Variants in LRTM1 observed in about 807,000 individuals in gnomAD.
LRTM1 encodes the protein leucine-rich repeat and transmembrane domain-containing protein 1.
A neutral mutation model predicts 32.4 loss-of-function variants in LRTM1; 38 were observed. The ratio of observed to expected loss-of-function variants is 1.17; its 90% CI spans 0.91 to 1.54. The LOEUF (loss-of-function observed/expected upper bound fraction) is 1.54, where lower values mean the gene tolerates loss of function less well. Among genes scored for constraint, LRTM1 ranks in the 40% most tolerant of loss-of-function variants. The pLI, the probability that LRTM1 is intolerant of heterozygous loss-of-function variation, is 0.00. For missense variants in LRTM1, 466 were observed against 415.4 expected, an observed-to-expected ratio of 1.12 and a Z score of -1.06; for synonymous variants, 186 against 169.9, an observed-to-expected ratio of 1.09 and a Z score of -0.74.
intron 1 of LRTM1, among the ~76,000 whole-genome samples, chr3:54,962,279 A>C (rs1702048456): frequency 6.6e-6 from 1 of 152,170 alleles, no homozygotes; most frequent in South Asian, 2.1e-4. Context: ...TAATTCTCTA[A>C]GAGCCTGCTT....
intron 1 of LRTM1, among the ~76,000 whole-genome samples, chr3:54,965,068 A>G (rs910393352): frequency 6.6e-6 from 1 of 152,180 alleles, no homozygotes; most frequent in Admixed American, 6.5e-5. Flanking sequence ...TTTTTCTGTA[A>G]AGGACCAATA....
chr3:54,955,861 T>A (rs1701876704), intron 1 of LRTM1, among the ~76,000 whole-genome samples: 1 of 152,160 alleles, frequency 6.6e-6, no homozygotes, highest in African/African-American at 2.4e-5. Context: ...TCACGAAACC[T>A]GGTGAGAGTC....
intron 1 of LRTM1, among the ~76,000 whole-genome samples, chr3:54,966,563 A>C (rs1311915300): frequency 6.6e-6 from 1 of 152,200 alleles, no homozygotes. Flanking sequence ...TCACATCTGT[A>C]ATCCCAGCAC....
chr3:54,943,413 T>C (rs1172631034), intron 1 of LRTM1, among the ~76,000 whole-genome samples: 1 of 152,200 alleles, frequency 6.6e-6, no homozygotes, highest in Non-Finnish European at 1.5e-5. Context: ...CATGGTGCTT[T>C]GGACTTTTTA....
chr3:54,944,943 T>C (rs1428183434), intron 1 of LRTM1, among the ~76,000 whole-genome samples: 1 of 152,148 alleles, frequency 6.6e-6, no homozygotes, highest in East Asian at 1.9e-4. Flanking sequence ...AGTTCACTTT[T>C]AAGAGTGAGG....
upstream of LRTM1, among the ~76,000 whole-genome samples, chr3:54,929,331 G>T (rs868706776): frequency 6.6e-6 from 1 of 152,202 alleles, no homozygotes; most frequent in Non-Finnish European, 1.5e-5. Flanking sequence ...TTCAGGATTT[G>T]TATGCTGCCA....
chr3:54,939,941 C>T (rs546010444), intron 1 of LRTM1, among the ~76,000 whole-genome samples: 1 of 152,296 alleles, frequency 6.6e-6, no homozygotes, highest in South Asian at 2.1e-4. Flanking sequence ...ATGACCACTC[C>T]CTTTCCATGA....
At chr3:54,949,479 C>A (rs1479374690) in intron 1 of LRTM1, among the ~76,000 whole-genome samples, 1 of 152,128 alleles carries the variant, frequency 6.6e-6, no homozygotes, top group Non-Finnish European at 1.5e-5. Context: ...CTCTTTGGAT[C>A]GTTCATTATT....
chr3:54,921,227 T>C (rs1700839942), intron 2 of LRTM1, among the ~76,000 whole-genome samples: 1 of 152,056 alleles, frequency 6.6e-6, no homozygotes. Flanking sequence ...AAATCTTGAG[T>C]CTGAACATTA....
intron 1 of LRTM1, among the ~76,000 whole-genome samples, chr3:54,954,045 C>A (rs1033784811): frequency 6.6e-6 from 1 of 152,210 alleles, no homozygotes; most frequent in Non-Finnish European, 1.5e-5. Flanking sequence ...TCTTCATTAT[C>A]CTAGTAGGCA....
upstream of LRTM1, among the ~76,000 whole-genome samples, chr3:54,929,271 A>G (rs1439477257): frequency 6.6e-6 from 1 of 152,186 alleles, no homozygotes; most frequent in Non-Finnish European, 1.5e-5. Flanking sequence ...AGTACACGAC[A>G]TGGCCCAGAG....
rs548421139 is a variant in LRTM1, at chr3:54,928,035, C to T, written c.-124G>A. On this transcript the variant is annotated 5_prime_UTR_variant, in exon 1 of 3. Coordinates refer to ENST00000273286, the MANE Select transcript of LRTM1 (RefSeq NM_020678.4). ...ACATTCAGTCTTTCTGAACCCTGCC[C>T]TTGCTTTTCTTCAATGCAGAAAACA... 2.1e-5 allele frequency: 18 copies of T among 868,886 alleles called. No individual in the cohort carries two copies. In the African/African-American group the frequency reaches 2.5e-4, roughly 12 times the overall value. The allele number at this position is 868,886 out of a possible 1,614,324, so 53.8% of individuals were successfully genotyped here.
At chr3:54,928,277 C>A (rs897233726), upstream of LRTM1, among the ~76,000 whole-genome samples, 1 of 152,148 alleles carries the variant, frequency 6.6e-6, no homozygotes, top group African/African-American at 2.4e-5. Flanking sequence ...TCAAACATGA[C>A]CCCAGTGCCT....
chr3:54,922,656 G>A (rs1398477789), intron 2 of LRTM1, among the ~76,000 whole-genome samples: 4 of 152,176 alleles, frequency 2.6e-5, no homozygotes, highest in African/African-American at 9.6e-5. Context: ...AGACACTGTT[G>A]ACTTCCCTAA....
chr3:54,952,099 G>C (rs1160715798), intron 1 of LRTM1, among the ~76,000 whole-genome samples: 1 of 152,166 alleles, frequency 6.6e-6, no homozygotes, highest in Non-Finnish European at 1.5e-5. Flanking sequence ...GCCCGCCTCA[G>C]CCTCCCAAAG....
chr3:54,933,099 TC>T (rs1701242211), intron 1 of LRTM1, among the ~76,000 whole-genome samples: 1 of 126,850 alleles, frequency 7.9e-6, no homozygotes, highest in Non-Finnish European at 1.8e-5. Flanking sequence ...CTTCCTTCCT[TC>T]CTTCCTTCCT....
chr3:54,955,854 C>T (rs79302987), intron 1 of LRTM1, among the ~76,000 whole-genome samples: 1,856 of 152,248 alleles, frequency 0.012, 31 homozygotes, highest in African/African-American at 0.042. Context: ...AGCCTGCTCA[C>T]GAAACCTGGT....
intron 2 of LRTM1, among the ~76,000 whole-genome samples, chr3:54,919,169 C>T (rs1700761515): frequency 6.6e-6 from 1 of 152,148 alleles, no homozygotes; most frequent in South Asian, 2.1e-4. Context: ...TCAGAGAAAA[C>T]AATGCAAAAG....
intron 1 of LRTM1, among the ~76,000 whole-genome samples, chr3:54,949,168 T>A (rs1434742626): frequency 6.6e-6 from 1 of 152,208 alleles, no homozygotes; most frequent in African/African-American, 2.4e-5. Flanking sequence ...TCCTGGGGCT[T>A]GTTCTCCTTG....
Sources: gnomAD v4.1 joint callset for allele counts (sites outside exome capture counted in the v4.1 genomes callset) on GRCh38, gnomAD v4.1.1 for gene constraint, MANE v1.5 for transcripts, NCBI Gene and HGNC (gene_info 2026-07-23, HGNC 2026-07-21) for gene names.